RBM27: variants seen among roughly 807,000 people sequenced by gnomAD.
RBM27 encodes the protein RNA-binding protein 27.
RBM27 carries 22 observed loss-of-function variants against 135.3 expected under a neutral mutation model. That is an observed-to-expected ratio of 0.16 (90% CI 0.12 to 0.23). The LOEUF (loss-of-function observed/expected upper bound fraction) is 0.23. Ranked by LOEUF, RBM27 falls within the 10% of genes least tolerant of loss-of-function variation. The pLI, the probability that RBM27 is intolerant of heterozygous loss-of-function variation, is 1.00. For missense variants in RBM27, 1,009 were observed against 1,281.0 expected (o/e 0.79, Z 3.24); for synonymous variants, 481 against 442.4 (o/e 1.09, Z -1.10).
At chr5:146,282,349 G>A (rs999285679) in intron 19 of RBM27, among the ~76,000 whole-genome samples, 16 of 152,104 alleles carry the variant, frequency 1.1e-4, no homozygotes, top group Non-Finnish European at 1.6e-4. Context: ...CTACTATGTG[G>A]CTTTTGTAAG....
intron 18 of RBM27, among the ~76,000 whole-genome samples, 181 bp downstream of exon 18, chr5:146,271,239 A>G (rs1181587343): frequency 6.6e-6 from 1 of 152,106 alleles, no homozygotes. Context: ...CGTCTCTACT[A>G]AAAATACAAA....
chr5:146,257,468 AT>A (rs1400418657), intron 10 of RBM27, among the ~76,000 whole-genome samples: 6 of 152,178 alleles, frequency 3.9e-5, no homozygotes, highest in Non-Finnish European at 4.4e-5. Context: ...CTTCATTTAG[AT>A]TCACCAGTAA....
intron 2 of RBM27, among the ~76,000 whole-genome samples, chr5:146,221,299 G>T (rs1236293819): frequency 6.6e-6 from 1 of 152,156 alleles, no homozygotes; most frequent in Non-Finnish European, 1.5e-5. Context: ...ACTGTTATCA[G>T]CTTGTGTGTG....
chr5:146,211,358 T>C lies in RBM27; in HGVS notation c.59+7534T>C, dbSNP rs546392750. Among the ~76,000 whole-genome samples, 13 of 151,782 alleles carry C rather than the reference T, an allele frequency of 8.6e-5. No individual in the cohort carries two copies. The South Asian group carries it at 2.3e-3, about 27-fold the overall frequency. ...CCAAACAGACTAAGAGAGAAAGTTT[T>C]CATTTGAAAAAAAGTAGAAGTACCA... On this transcript the variant is annotated intron_variant, in intron 1 of 20. Coordinates refer to ENST00000265271, the MANE Select transcript of RBM27 (RefSeq NM_018989.2).
chr5:146,268,074 A>C (rs1164034235), intron 15 of RBM27, among the ~76,000 whole-genome samples: 1 of 152,050 alleles, frequency 6.6e-6, no homozygotes, highest in African/African-American at 2.4e-5. Flanking sequence ...ATTATTATCT[A>C]TATGATTCAG....
chr5:146,268,489 GC>G (rs1758718630), intron 15 of RBM27, among the ~76,000 whole-genome samples: 1 of 152,072 alleles, frequency 6.6e-6, no homozygotes, highest in Non-Finnish European at 1.5e-5. Flanking sequence ...TGATCCACCT[GC>G]CTCGGCTTCC....
chr5:146,283,180 T>C (rs1313845902), intron 19 of RBM27, among the ~76,000 whole-genome samples: 1 of 152,118 alleles, frequency 6.6e-6, no homozygotes, highest in Non-Finnish European at 1.5e-5. Context: ...ATAATTGGGC[T>C]GTGTGTTAAA....
At chr5:146,273,081 T>G (rs1758939675) in intron 19 of RBM27, among the ~76,000 whole-genome samples, 1 of 152,234 alleles carries the variant, frequency 6.6e-6, no homozygotes, top group African/African-American at 2.4e-5. Context: ...AATTAAAATC[T>G]CTTTGCCAAA....
Position 146,207,954 on chromosome 5 carries a change from T to TG in RBM27, c.59+4130_59+4131insG, listed in dbSNP as rs1203471047. Among the ~76,000 whole-genome samples the TG allele has an allele frequency of 1.4e-4, 19 of 140,554 alleles. No homozygotes were observed. The East Asian group carries it at 4.0e-3, about 29-fold the overall frequency. The allele number at this position is 140,554 out of a possible 152,430, so 92.2% of individuals were successfully genotyped here. ...GCCACCACACCTGGCCTAACAGGTT[T>TG]TTTTTTTTTTTTTTTTTTTTAAGAC... On this transcript the variant is annotated intron_variant, in intron 1 of 20. Transcript: ENST00000265271.
rs758464421 is a variant in RBM27 at position 146,284,694 on chromosome 5, A to G, written c.3061A>G (p.Ile1021Val). Residue 1021 changes from isoleucine to valine, a missense_variant, in exon 20 of 21, where the codon ATA becomes GTA. This residue lies in a region of RBM27 where 355 missense variants were observed against 427.3 expected (regional missense o/e 0.83). Transcript: ENST00000265271. Reference sequence around the variant, plus strand: ...ATGGCACAAGCCCAAGGTACCATCTATATCCACTGAGACTGAAGAAGAAGA... The same window carrying G: ...ATGGCACAAGCCCAAGGTACCATCTGTATCCACTGAGACTGAAGAAGAAGA... The part of the protein sequence containing the change: ...ISWHKPKVPS[I>V]STETEEEEVK... 18 of 1,612,940 alleles carry G rather than the reference A, an allele frequency of 1.1e-5. No individual in the cohort carries two copies. The South Asian group carries it at 1.2e-4, about 11-fold the overall frequency.
At position 146,230,784 on chromosome 5, in the gene RBM27, T is replaced by C. The variant is rs1249251980; in HGVS notation, c.717T>C (p.Thr239=). ...CTGGGGCACAGTCTATTCCCAGCAC[T>C]GTTACTGTGATCGCACCTGCTCACC... The part of the protein sequence containing the change: ...YSSGAQSIPS[T]VTVIAPAHHS... Residue 239 remains threonine (T), a synonymous_variant, in exon 6 of 21, where the codon ACT becomes ACC. Coordinates refer to ENST00000265271, the MANE Select transcript of RBM27 (RefSeq NM_018989.2). The C allele has an allele frequency of 6.2e-7, 1 of 1,614,128 alleles. No homozygotes were observed. Among genetic ancestry groups the C allele is most frequent in the South Asian group, 1.1e-5 (1 of 91,088 alleles).
At chr5:146,251,369 G>A (rs552231301) in intron 8 of RBM27, among the ~76,000 whole-genome samples, 1 of 152,228 alleles carries the variant, frequency 6.6e-6, no homozygotes, top group African/African-American at 2.4e-5. Context: ...AAAATTCTGT[G>A]TAATTAATAG....
intron 10 of RBM27, among the ~76,000 whole-genome samples, chr5:146,256,631 G>A (rs1758117503): frequency 6.6e-6 from 1 of 152,026 alleles, no homozygotes; most frequent in African/African-American, 2.4e-5. Flanking sequence ...TGGTATTACA[G>A]GCATGAGCCA....
intron 1 of RBM27, among the ~76,000 whole-genome samples, chr5:146,207,389 A>G (rs767667946): frequency 6.7e-6 from 1 of 149,882 alleles, no homozygotes; most frequent in Non-Finnish European, 1.5e-5. Flanking sequence ...AATTTTTTGT[A>G]TTTTTTAGTA....
chr5:146,217,290 C>A (rs573503505), intron 1 of RBM27, among the ~76,000 whole-genome samples: 1 of 152,060 alleles, frequency 6.6e-6, no homozygotes, highest in East Asian at 1.9e-4. Context: ...TTTAAAGAAC[C>A]AGCCTTTCCC....
At chr5:146,279,927 G>C (rs542325886) in intron 19 of RBM27, among the ~76,000 whole-genome samples, 5 of 151,772 alleles carry the variant, frequency 3.3e-5, no homozygotes, top group African/African-American at 9.7e-5. Flanking sequence ...TACTATGTAT[G>C]TAAGAAAACA....
At chr5:146,269,882 T>G (rs1581230436) in intron 17 of RBM27, among the ~76,000 whole-genome samples, 1 of 152,050 alleles carries the variant, frequency 6.6e-6, no homozygotes. Flanking sequence ...TGCCACAATT[T>G]TTTTGTTTTA....
chr5:146,240,328 C>T (rs1230312718), intron 8 of RBM27, among the ~76,000 whole-genome samples: 12 of 151,782 alleles, frequency 7.9e-5, no homozygotes, highest in Admixed American at 6.6e-4. Flanking sequence ...GTCTGTCTGT[C>T]TGTCTATCTG....
At chr5:146,269,714 C>CA in intron 17 of RBM27, 130 bp downstream of exon 17, 1 of 220,600 alleles carries the variant, frequency 4.5e-6, no homozygotes, top group Non-Finnish European at 8.8e-6. Flanking sequence ...AATTATAGTA[C>CA]TTAAAAAAAA....
Sources: gnomAD v4.1 joint callset for allele counts (sites outside exome capture counted in the v4.1 genomes callset) on GRCh38, gnomAD v4.1.1 for gene constraint, gnomAD v4.1.1 regional missense constraint, MANE v1.5 for transcripts, NCBI Gene and HGNC (gene_info 2026-07-23, HGNC 2026-07-21) for gene names.